The following RELN variants were observed in gnomAD, a reference collection of about 807,000 sequenced individuals.
RELN encodes the protein reelin.
A neutral mutation model predicts 427.6 loss-of-function variants in RELN; 108 were observed. That is an observed-to-expected ratio of 0.25 (90% CI 0.22 to 0.30). The LOEUF (loss-of-function observed/expected upper bound fraction) is 0.30, where lower values mean the gene tolerates loss of function less well. Among genes scored for constraint, RELN ranks in the 10% least tolerant of loss-of-function variants. The pLI, the probability that RELN is intolerant of heterozygous loss-of-function variation, is 1.00. For missense variants in RELN, 3,715 were observed against 4,302.8 expected, an observed-to-expected ratio of 0.86 and a Z score of 3.82; for synonymous variants, 1,524 against 1,513.4, an observed-to-expected ratio of 1.01 and a Z score of -0.16.
intron 2 of RELN, among the ~76,000 whole-genome samples, chr7:103,876,591 A>C (rs1027607958): frequency 2.6e-5 from 4 of 152,204 alleles, no homozygotes; most frequent in Non-Finnish European, 5.9e-5. Context: ...CTAAGCATTA[A>C]TAGGGTAAAG....
In RELN at chr7:103,503,352, T is replaced by G. The variant is rs1032457504; in HGVS notation, c.8275-122A>C. 6 of 813,322 alleles carry G rather than the reference T, an allele frequency of 7.4e-6. No individual in the cohort carries two copies. In the Admixed American group the frequency reaches 7.9e-5, roughly 11 times the overall value. 50.4% of individuals were successfully genotyped at this position (813,322 alleles called of 1,614,324 possible). On this transcript the variant is annotated intron_variant, in intron 51 of 64. Coordinates refer to ENST00000428762, the MANE Select transcript of RELN (RefSeq NM_005045.4). ...ACACTGTACCACATCCATCCTGTAT[T>G]TTCAGATTCATTATTTGTTCTGCTA...
intron 1 of RELN, among the ~76,000 whole-genome samples, chr7:103,959,611 C>T (rs1172942388): frequency 6.6e-6 from 1 of 152,050 alleles, no homozygotes; most frequent in Non-Finnish European, 1.5e-5. Flanking sequence ...CTCTCTCTCT[C>T]TCTTTTTTTC....
intron 20 of RELN, among the ~76,000 whole-genome samples, chr7:103,614,447 G>A (rs1832034819): frequency 1.3e-5 from 2 of 152,186 alleles, no homozygotes; most frequent in African/African-American, 4.8e-5. Context: ...TTTTAAAAGG[G>A]AATCAATGGA....
At chr7:103,491,589 GGAGGCA>G (rs1264035345) in intron 58 of RELN, among the ~76,000 whole-genome samples, 4 of 151,936 alleles carry the variant, frequency 2.6e-5, no homozygotes, top group Non-Finnish European at 5.9e-5. Context: ...CAGCACTTTG[GGAGGCA>G]GAGGCAGGCG....
chr7:103,844,846 A>G (rs568868516), intron 2 of RELN, among the ~76,000 whole-genome samples: 1 of 152,352 alleles, frequency 6.6e-6, no homozygotes, highest in South Asian at 2.1e-4. Flanking sequence ...ATTAAAGAAT[A>G]TATCTCAGTC....
intron 11 of RELN, among the ~76,000 whole-genome samples, chr7:103,670,937 AC>A (rs1484222851): frequency 3.3e-5 from 5 of 152,112 alleles, no homozygotes; most frequent in African/African-American, 1.2e-4. Context: ...TTAAGTATGA[AC>A]TAAGATCCAG....
At chr7:103,667,955 A>G (rs1403493921) in intron 11 of RELN, among the ~76,000 whole-genome samples, 1 of 152,116 alleles carries the variant, frequency 6.6e-6, no homozygotes, top group Non-Finnish European at 1.5e-5. Context: ...ACAGGCTGGG[A>G]GTGGTGGCTC....
intron 8 of RELN, 67 bp downstream of exon 8, chr7:103,723,073 G>C (rs1193052432): frequency 2.1e-6 from 2 of 970,242 alleles, no homozygotes; most frequent in Non-Finnish European, 3.3e-6. Flanking sequence ...TTATAATCCT[G>C]ATTGCACACT....
rs746301799 is a variant in RELN at position 103,503,042 on chromosome 7, G to A, written c.8463C>T (p.Tyr2821=). The change falls in exon 52 of 65, where the codon TAC becomes TAT. Residue 2821 remains tyrosine, a synonymous_variant. Coordinates refer to ENST00000428762, the MANE Select transcript of RELN (RefSeq NM_005045.4). Reference sequence around the variant, plus strand: ...TTCCCACTAAGCTTTCAGGAAGTGGGTAGGTGATCCTTTTCCACCCTTTAG... The same window carrying A: ...TTCCCACTAAGCTTTCAGGAAGTGGATAGGTGATCCTTTTCCACCCTTTAG... The part of the protein sequence containing the change: ...FPTKGWKRIT[Y]PLPESLVGNP... 2 of 1,614,140 alleles carry A rather than the reference G, an allele frequency of 1.2e-6. No individual in the cohort carries two copies. Among genetic ancestry groups the A allele is most frequent in the Admixed American group, 1.7e-5 (1 of 60,026 alleles).
intron 8 of RELN, among the ~76,000 whole-genome samples, chr7:103,710,541 T>C (rs904639170): frequency 1.3e-5 from 2 of 152,222 alleles, no homozygotes; most frequent in Non-Finnish European, 2.9e-5. Flanking sequence ...TTAGTCACTA[T>C]ACAAGGGAAG....
chr7:103,574,295 T>A lies in RELN; in HGVS notation c.4308A>T (p.Ala1436=). 6.2e-7 allele frequency: 1 copy of A among 1,613,892 alleles called. No individual in the cohort carries two copies. Among genetic ancestry groups the A allele is most frequent in the Non-Finnish European group, 8.5e-7 (1 of 1,179,800 alleles). Reference sequence around the variant, plus strand: ...GGACATTTGACACACAGGTTCCTTGTGCAGCTTCAGAAAAAGAAATAGAGA... The same window carrying A: ...GGACATTTGACACACAGGTTCCTTGAGCAGCTTCAGAAAAAGAAATAGAGA... The part of the protein sequence containing the change: ...VCFCDLGYTA[A]QGTCVSNVPN... The change falls in exon 30 of 65, where the codon GCA becomes GCT. Residue 1436 remains alanine (A), a synonymous_variant. Transcript: ENST00000428762.
intron 6 of RELN, among the ~76,000 whole-genome samples, chr7:103,730,425 T>C (rs1790325199): frequency 6.6e-6 from 1 of 151,854 alleles, no homozygotes; most frequent in South Asian, 2.1e-4. Flanking sequence ...AACCAGTACC[T>C]AGATGACAGA....
intron 15 of RELN, among the ~76,000 whole-genome samples, chr7:103,650,935 T>G (rs1352351912): frequency 6.6e-6 from 1 of 152,152 alleles, no homozygotes; most frequent in Admixed American, 6.6e-5. Flanking sequence ...AATTTATTCT[T>G]AATAGTGAGG....
chr7:103,489,870 C>T lies in RELN; in HGVS notation c.9635G>A (p.Gly3212Glu), dbSNP rs908256601. ...CCAGCTTTGCTTCTCAGTTTCTTCT[C>T]CCTTCTGGATCCAGCGGAACTGTGT... ...SATQFRWIQK[G>E]EETEKQSWAI... is the part of the protein sequence containing the mutation. Residue 3212 changes from glycine to glutamate, a missense_variant, in exon 60 of 65, where the codon GGA becomes GAA. By Grantham distance (98) the Gly-to-Glu change is moderately conservative (BLOSUM62 -2). Coordinates refer to ENST00000428762, the MANE Select transcript of RELN (RefSeq NM_005045.4). The T allele has an allele frequency of 6.2e-7, 1 of 1,614,032 alleles. No homozygotes were observed. Among genetic ancestry groups the T allele is most frequent in the Non-Finnish European group, 8.5e-7 (1 of 1,180,038 alleles).
intron 29 of RELN, among the ~76,000 whole-genome samples, chr7:103,575,122 A>G (rs937288046): frequency 6.6e-6 from 1 of 152,228 alleles, no homozygotes; most frequent in Admixed American, 6.5e-5. Flanking sequence ...ACTCAGCTCC[A>G]GCAACTCCCA....
At chr7:103,951,687 T>G (rs1345998275) in intron 1 of RELN, among the ~76,000 whole-genome samples, 1 of 151,974 alleles carries the variant, frequency 6.6e-6, no homozygotes, top group Non-Finnish European at 1.5e-5. Flanking sequence ...TTTTTTTTTT[T>G]TAAAATACAG....
In RELN at chr7:103,968,523, A is replaced by C. The variant is rs2116810349; in HGVS notation, c.226+20608T>G. The stretch of plus-strand genomic sequence containing the variant: ...ATAAAAGTATGAAAGAAATTGTAAA[A>C]GGTAAGCAAATGTAAAAAAGAAGAA... On this transcript the variant is annotated intron_variant, in intron 1 of 64. Transcript: ENST00000428762. This position sits in a 1 kb window ranked among gnomAD's most constrained non-coding sequence, Gnocchi z 4.3. Among the ~76,000 whole-genome samples the C allele has an allele frequency of 6.6e-6, 1 of 152,306 alleles. No individual in the cohort carries two copies. Among genetic ancestry groups the C allele is most frequent in the East Asian group, 1.9e-4 (1 of 5,188 alleles).
At chr7:103,854,431 C>G (rs1282447891) in intron 2 of RELN, among the ~76,000 whole-genome samples, 5 of 152,054 alleles carry the variant, frequency 3.3e-5, no homozygotes, top group Non-Finnish European at 5.9e-5. Context: ...AGTCTTTCTT[C>G]TTTTTTCTGA....
At chr7:103,560,952 C>T (rs1028311533) in intron 36 of RELN, among the ~76,000 whole-genome samples, 14 of 152,150 alleles carry the variant, frequency 9.2e-5, no homozygotes, top group African/African-American at 3.1e-4. Context: ...TTTCCCCATG[C>T]TGAGAGAGAT....
Sources: gnomAD v4.1 joint callset for allele counts (sites outside exome capture counted in the v4.1 genomes callset) on GRCh38, gnomAD v4.1.1 for gene constraint, Gnocchi (gnomAD v3.1) non-coding constraint, MANE v1.5 for transcripts, NCBI Gene and HGNC (gene_info 2026-07-23, HGNC 2026-07-21) for gene names.